The following CREB3L2 variants were observed in gnomAD, a reference collection of about 807,000 sequenced individuals.
CREB3L2 encodes the protein cAMP responsive element binding protein 3 like 2.
Under a neutral mutation model 57.2 loss-of-function variants are expected in CREB3L2, and 23 were observed. The ratio of observed to expected loss-of-function variants is 0.40; its 90% CI spans 0.29 to 0.57. CREB3L2 has a LOEUF of 0.57. Ranked by LOEUF, CREB3L2 falls within the 20% of genes least tolerant of loss-of-function variation. The probability of loss-of-function intolerance (pLI) is 0.42; values close to 1 mark genes in which losing one functional copy is unlikely to be tolerated. For missense variants in CREB3L2, 628 were observed against 634.7 expected, an observed-to-expected ratio of 0.99 and a Z score of 0.11; for synonymous variants, 268 against 265.1, an observed-to-expected ratio of 1.01 and a Z score of -0.11.
chr7:137,918,853 A>G (rs1784658930), intron 2 of CREB3L2, among the ~76,000 whole-genome samples: 1 of 152,244 alleles, frequency 6.6e-6, no homozygotes. Flanking sequence ...AAACAAGTCA[A>G]GACCATTTAA....
rs10534110 is a variant in CREB3L2, at chr7:137,876,331, C to CGTGTGTGT, written c.*4137_*4144dup. 2.5e-3 allele frequency: 548 copies of CGTGTGTGT among 223,244 alleles called. 2 individuals carry two copies. The highest frequency in any genetic ancestry group is 0.01 in the African/African-American group (439 of 43,622). The allele number at this position is 223,244 out of a possible 1,614,324, so 13.8% of individuals were successfully genotyped here. A position where few individuals can be genotyped will look rare whatever the true frequency, so the allele number is the denominator to read the frequency against. On this transcript the variant is annotated 3_prime_UTR_variant, in exon 12 of 12. Coordinates refer to ENST00000330387, the MANE Select transcript of CREB3L2 (RefSeq NM_194071.4). ...TGAGCATGTAAGGGAGGAATGTGCA[C>CGTGTGTGT]GTGTGTGTGTGTGTGTGTGTGTGTG...
At chr7:137,918,794 TCA>T (rs893308747) in intron 2 of CREB3L2, among the ~76,000 whole-genome samples, 1 of 151,924 alleles carries the variant, frequency 6.6e-6, no homozygotes, top group African/African-American at 2.4e-5. Context: ...ATAGATAGAA[TCA>T]GTTATTCCAA....
Position 137,882,552 on chromosome 7 carries a change from C to G in CREB3L2, c.1347G>C (p.Glu449Asp). Residue 449 changes from glutamate to aspartate, a missense_variant, in exon 11 of 12, where the codon GAG becomes GAC. This residue lies in a region of CREB3L2 where 272 missense variants were observed against 242.7 expected (regional missense o/e 1.12). Coordinates refer to ENST00000330387, the MANE Select transcript of CREB3L2 (RefSeq NM_194071.4). ...EESSSPGSAG[E>D]LGGWDRGSSL... ...AGGAACCTCTATCCCAGCCCCCCAGCTCCCCAGCCGAGCCCGGGCTGGATG... is the reference window on the plus strand; with the variant it reads ...AGGAACCTCTATCCCAGCCCCCCAGGTCCCCAGCCGAGCCCGGGCTGGATG... 5 of 1,613,798 alleles carry G rather than the reference C, an allele frequency of 3.1e-6. No homozygotes were observed. Among genetic ancestry groups the G allele is most frequent in the Non-Finnish European group, 4.2e-6 (5 of 1,179,722 alleles).
intron 1 of CREB3L2, among the ~76,000 whole-genome samples, chr7:137,929,591 G>A (rs534520278): frequency 2.6e-5 from 4 of 151,904 alleles, no homozygotes; most frequent in African/African-American, 9.7e-5. Context: ...GGCCAGGCAC[G>A]GTGGCTCATG....
chr7:137,947,562 G>C (rs942190668), intron 1 of CREB3L2, among the ~76,000 whole-genome samples: 1 of 152,008 alleles, frequency 6.6e-6, no homozygotes, highest in Non-Finnish European at 1.5e-5. Context: ...TGCCCCCCTT[G>C]GCTCACTCCT....
At chr7:137,985,299 T>C (rs961882676) in intron 1 of CREB3L2, among the ~76,000 whole-genome samples, 1 of 152,210 alleles carries the variant, frequency 6.6e-6, no homozygotes, top group African/African-American at 2.4e-5. Flanking sequence ...AGAGGTTCTC[T>C]CGCTCAACAA....
At chr7:137,979,200 G>A (rs117285805) in intron 1 of CREB3L2, among the ~76,000 whole-genome samples, 1 of 152,290 alleles carries the variant, frequency 6.6e-6, no homozygotes, top group East Asian at 1.9e-4. Context: ...GGAAGAATAC[G>A]AGTGCTTTGT....
chr7:137,892,887 T>C (rs779580652), intron 8 of CREB3L2, among the ~76,000 whole-genome samples: 1 of 151,796 alleles, frequency 6.6e-6, no homozygotes, highest in Non-Finnish European at 1.5e-5. Flanking sequence ...TAATTATAAG[T>C]TCTACACATT....
intron 4 of CREB3L2, among the ~76,000 whole-genome samples, chr7:137,911,619 C>T (rs1431179825): frequency 6.6e-6 from 1 of 152,246 alleles, no homozygotes; most frequent in East Asian, 1.9e-4. Context: ...GGGAGGATCA[C>T]TTGAGCTCAG....
At chr7:137,991,625 G>A (rs1392484685) in intron 1 of CREB3L2, among the ~76,000 whole-genome samples, 2 of 152,066 alleles carry the variant, frequency 1.3e-5, no homozygotes, top group African/African-American at 2.4e-5. Context: ...CAAAAGGCAC[G>A]GCCGAGCACA....
At chr7:137,926,790 T>TA (rs1800472229) in intron 2 of CREB3L2, among the ~76,000 whole-genome samples, 1 of 152,058 alleles carries the variant, frequency 6.6e-6, no homozygotes, top group African/African-American at 2.4e-5. Flanking sequence ...GAATAGGAAA[T>TA]AGAGTTTTTA....
At chr7:137,970,266 T>C (rs867089620) in intron 1 of CREB3L2, among the ~76,000 whole-genome samples, 3 of 152,264 alleles carry the variant, frequency 2.0e-5, no homozygotes, top group South Asian at 2.1e-4. Context: ...TGTATAGTAC[T>C]ATCCTCACTT....
intron 10 of CREB3L2, among the ~76,000 whole-genome samples, chr7:137,883,509 T>A (rs1260752950): frequency 6.6e-6 from 1 of 152,222 alleles, no homozygotes; most frequent in East Asian, 1.9e-4. Flanking sequence ...CATGTAGGGT[T>A]CATATGCCTT....
rs1801566057 is a variant in CREB3L2, at chr7:137,974,196, C to T, written c.102+27408G>A. On this transcript the variant is annotated intron_variant, in intron 1 of 11. Transcript: ENST00000330387. ...CAACGGTGATGAAAAGCAAAGAGAC[C>T]CTTGCTCTATTGGAACTTACAATAA... 1.3e-5 allele frequency among the ~76,000 whole-genome samples: 2 copies of T among 152,020 alleles called. 1 individual carries two copies. Among genetic ancestry groups the T allele is most frequent in the Admixed American group, 1.3e-4 (2 of 15,238 alleles).
Position 137,928,081 on chromosome 7 carries a change from A to G in CREB3L2, c.319+69T>C, listed in dbSNP as rs923635465. On this transcript the variant is annotated intron_variant, in intron 2 of 11. Coordinates refer to ENST00000330387, the MANE Select transcript of CREB3L2 (RefSeq NM_194071.4). ...TGACACCCTCTTTAATATAATACACACTCCACACCCTCAAGAGCTCAGAAC... is the reference window on the plus strand; with the variant it reads ...TGACACCCTCTTTAATATAATACACGCTCCACACCCTCAAGAGCTCAGAAC... The G allele has an allele frequency of 1.2e-5, 14 of 1,192,658 alleles. No individual in the cohort carries two copies. In the African/African-American group the frequency reaches 2.0e-4, roughly 17 times the overall value. The allele number at this position is 1,192,658 out of a possible 1,614,324, so 73.9% of individuals were successfully genotyped here. A position where few individuals can be genotyped will look rare whatever the true frequency, so the allele number is the denominator to read the frequency against.
rs754799812 is a variant in CREB3L2, at chr7:137,928,200, C to T, written c.269G>A (p.Arg90Gln). Residue 90 changes from arginine (R) to glutamine (Q), a missense_variant, in exon 2 of 12, where the codon CGG becomes CAG. By Grantham distance (43) the Arg-to-Gln change is conservative. Coordinates refer to ENST00000330387, the MANE Select transcript of CREB3L2 (RefSeq NM_194071.4). The part of the protein sequence containing the change: ...EHSYSLCEEP[R>Q]AQSPFTHITT... Reference sequence around the variant, plus strand: ...AATGTGGGTGAAGGGCGACTGGGCCCGAGGCTCCTCGCACAGGGAGTAGCT... The same window carrying T: ...AATGTGGGTGAAGGGCGACTGGGCCTGAGGCTCCTCGCACAGGGAGTAGCT... 2.3e-5 allele frequency: 37 copies of T among 1,602,008 alleles called. No homozygotes were observed. Among genetic ancestry groups the T allele is most frequent in the African/African-American group, 5.4e-5 (4 of 74,650 alleles).
At chr7:137,895,122 T>C (rs1263860548) in intron 8 of CREB3L2, among the ~76,000 whole-genome samples, 1 of 152,204 alleles carries the variant, frequency 6.6e-6, no homozygotes, top group Non-Finnish European at 1.5e-5. Context: ...TGGAGCAAAC[T>C]GAGCCACAAA....
At position 137,885,455 on chromosome 7, in the gene CREB3L2, T is replaced by C. The variant is rs759422039; in HGVS notation, c.1091A>G (p.Lys364Arg). ...AGCTAACTTGCAGGTTCGAGAAACC[T>C]TGCCCATCACCAAAGTCTGAAGCTT... ...LQKLQTLVMG[K>R]VSRTCKLAGT... Residue 364 changes from lysine to arginine, a missense_variant, in exon 9 of 12, where the codon AAG becomes AGG. By Grantham distance (26) the Lys-to-Arg change is conservative. This residue lies in a region of CREB3L2 where 272 missense variants were observed against 242.7 expected (regional missense o/e 1.12). Transcript: ENST00000330387. 3 of 1,614,180 alleles carry C rather than the reference T, an allele frequency of 1.9e-6. No homozygotes were observed. The highest frequency in any genetic ancestry group is 2.2e-5 in the South Asian group (2 of 91,084).
At chr7:137,986,069 C>T (rs570125647) in intron 1 of CREB3L2, among the ~76,000 whole-genome samples, 2 of 152,310 alleles carry the variant, frequency 1.3e-5, no homozygotes, top group Non-Finnish European at 2.9e-5. Context: ...GACATAGTGA[C>T]ACTTTACTTA....
Sources: allele counts gnomAD v4.1 joint callset (sites outside exome capture counted in the v4.1 genomes callset), GRCh38; gene constraint gnomAD v4.1.1; regional missense constraint gnomAD v4.1.1; transcripts MANE v1.5; gene names NCBI Gene and HGNC (gene_info 2026-07-23, HGNC 2026-07-21).